The following OSBPL8 variants were observed in gnomAD, a reference collection of about 807,000 sequenced individuals.
OSBPL8 encodes oxysterol binding protein like 8, also known as oxysterol-binding protein-related protein 8.
In OSBPL8, 59 loss-of-function variants were observed where a neutral mutation model predicts 125.5. The observed-to-expected ratio is 0.47, with a 90% CI of 0.38 to 0.58. OSBPL8 has a LOEUF of 0.58. Ranked by LOEUF, OSBPL8 falls within the 20% of genes least tolerant of loss-of-function variation. The pLI, the probability that OSBPL8 is intolerant of heterozygous loss-of-function variation, is 0.00. For synonymous variants in OSBPL8, 330 were observed against 338.9 expected (o/e 0.97, Z 0.29); for missense variants, 758 against 1,047.8 (o/e 0.72, Z 3.82).
At chr12:76,529,850 T>C (rs1414700918) in intron 1 of OSBPL8, among the ~76,000 whole-genome samples, 1 of 152,224 alleles carries the variant, frequency 6.6e-6, no homozygotes, top group African/African-American at 2.4e-5. Flanking sequence ...GACACATTAC[T>C]AGTTGCTTTA....
At chr12:76,379,294 C>T (rs542678894) in intron 15 of OSBPL8, among the ~76,000 whole-genome samples, 58 of 152,172 alleles carry the variant, frequency 3.8e-4, no homozygotes, top group African/African-American at 1.3e-3. Context: ...ATATAAAGCA[C>T]CAAAATGCAG....
At chr12:76,514,583 A>T (rs547194226) in intron 1 of OSBPL8, among the ~76,000 whole-genome samples, 60 of 151,818 alleles carry the variant, frequency 4.0e-4, no homozygotes, top group African/African-American at 1.5e-3. Context: ...TACCTTTAAC[A>T]TTTTTTCTTT....
chr12:76,483,038 G>A (rs1295819076), intron 2 of OSBPL8, among the ~76,000 whole-genome samples: 1 of 152,112 alleles, frequency 6.6e-6, no homozygotes, highest in Non-Finnish European at 1.5e-5. Context: ...GAGGCAGGCG[G>A]ATCATGAGGT....
intron 2 of OSBPL8, among the ~76,000 whole-genome samples, chr12:76,465,235 A>C (rs1592729988): frequency 6.6e-6 from 1 of 152,116 alleles, no homozygotes; most frequent in African/African-American, 2.4e-5. Context: ...CCTCCTAGGA[A>C]TATTAATAAG....
rs184328506 is a variant in OSBPL8 at position 76,520,926 on chromosome 12, A to G, written c.-67-33308T>C. ...CAATAGTTGCTTCCCATGATGCTCT[A>G]AAGTACTGTGGAAGAGAAGCAATTT... On this transcript the variant is annotated intron_variant, in intron 1 of 23. Coordinates refer to ENST00000261183, the MANE Select transcript of OSBPL8 (RefSeq NM_020841.5). 2.0e-3 allele frequency among the ~76,000 whole-genome samples: 304 copies of G among 152,354 alleles called. 2 individuals are homozygous for G. The highest frequency in any genetic ancestry group is 6.9e-3 in the African/African-American group (289 of 41,588).
At position 76,440,177 on chromosome 12, in the gene OSBPL8, T is replaced by C. The variant is rs111646363; in HGVS notation, c.217+10674A>G. 5.9e-3 allele frequency among the ~76,000 whole-genome samples: 896 copies of C among 152,282 alleles called. 4 individuals carry two copies. Among genetic ancestry groups the C allele is most frequent in the African/African-American group, 0.019 (798 of 41,564 alleles). Reference sequence around the variant, plus strand: ...TCCTCAGCTTTATCTCTTTTAAAAATGACTCTCACCCATTAAATTTCATTC... The same window carrying C: ...TCCTCAGCTTTATCTCTTTTAAAAACGACTCTCACCCATTAAATTTCATTC... On this transcript the variant is annotated intron_variant, in intron 4 of 23. Transcript: ENST00000261183.
At chr12:76,515,141 T>C (rs1446087543) in intron 1 of OSBPL8, among the ~76,000 whole-genome samples, 1 of 152,248 alleles carries the variant, frequency 6.6e-6, no homozygotes, top group East Asian at 1.9e-4. Flanking sequence ...TGAATTCTAC[T>C]TCTGTCATTT....
intron 4 of OSBPL8, among the ~76,000 whole-genome samples, chr12:76,433,541 G>A (rs1366197865): frequency 1.3e-5 from 2 of 151,868 alleles, no homozygotes; most frequent in Non-Finnish European, 2.9e-5. Context: ...TGAAGGAAAT[G>A]AAAGAAGACA....
chr12:76,551,571 G>C (rs549323613), intron 1 of OSBPL8, among the ~76,000 whole-genome samples: 35 of 152,228 alleles, frequency 2.3e-4, no homozygotes, highest in African/African-American at 8.4e-4. Flanking sequence ...ATGGTGACTG[G>C]GCGTAAGATA....
intron 1 of OSBPL8, among the ~76,000 whole-genome samples, chr12:76,544,046 G>C (rs1950716185): frequency 2.0e-5 from 3 of 152,098 alleles, no homozygotes; most frequent in African/African-American, 4.8e-5. Flanking sequence ...AAACAGAACA[G>C]GTGTAACACT....
At chr12:76,406,166 T>C (rs765643375) in intron 5 of OSBPL8, among the ~76,000 whole-genome samples, 4 of 152,200 alleles carry the variant, frequency 2.6e-5, no homozygotes, top group East Asian at 3.9e-4. Context: ...ATCTGACCTT[T>C]AGAGATTTAA....
intron 4 of OSBPL8, among the ~76,000 whole-genome samples, chr12:76,418,243 G>T (rs1868985138): frequency 6.6e-6 from 1 of 151,996 alleles, no homozygotes. Flanking sequence ...GACTTCAGGT[G>T]ATCTGCCCAC....
At chr12:76,465,153 TA>T (rs1875251655) in intron 2 of OSBPL8, among the ~76,000 whole-genome samples, 1 of 152,182 alleles carries the variant, frequency 6.6e-6, no homozygotes, top group Admixed American at 6.5e-5. Context: ...CACTGTTGGA[TA>T]AAGAATATTA....
intron 1 of OSBPL8, among the ~76,000 whole-genome samples, chr12:76,558,754 G>C (rs950137976): frequency 1.4e-4 from 21 of 152,222 alleles, no homozygotes; most frequent in African/African-American, 5.1e-4. Context: ...AGCCAGTCTT[G>C]AGTGGGTGGT....
intron 22 of OSBPL8, among the ~76,000 whole-genome samples, chr12:76,358,266 A>G (rs762899511): frequency 1.7e-4 from 22 of 131,474 alleles, no homozygotes; most frequent in Non-Finnish European, 2.5e-4. Context: ...TGCATCTTCC[A>G]TCTCCGGGGT....
chr12:76,390,004 G>A, intron 11 of OSBPL8, 175 bp from the exon 12 acceptor site: 1 of 472,238 alleles, frequency 2.1e-6, no homozygotes, highest in Non-Finnish European at 3.5e-6. Flanking sequence ...GTAAAAAAGG[G>A]TAGCTGAAAA....
At chr12:76,397,170 G>A (rs1214536782) in intron 8 of OSBPL8, among the ~76,000 whole-genome samples, 2 of 146,268 alleles carry the variant, frequency 1.4e-5, no homozygotes, top group African/African-American at 2.6e-5. Context: ...AAAGAAACCT[G>A]CCTCTTTCTC....
intron 4 of OSBPL8, among the ~76,000 whole-genome samples, chr12:76,412,516 T>TA (rs1454702357): frequency 6.6e-6 from 1 of 152,180 alleles, no homozygotes; most frequent in Non-Finnish European, 1.5e-5. Flanking sequence ...CCACCTAGTC[T>TA]ATATCCCTTT....
At chr12:76,455,184 A>C (rs1873884843) in intron 3 of OSBPL8, among the ~76,000 whole-genome samples, 1 of 152,018 alleles carries the variant, frequency 6.6e-6, no homozygotes, top group Non-Finnish European at 1.5e-5. Flanking sequence ...CGGAGCTTGC[A>C]GTGAGCCGAG....
Sources: gnomAD v4.1 joint callset for allele counts (sites outside exome capture counted in the v4.1 genomes callset) on GRCh38, gnomAD v4.1.1 for gene constraint, MANE v1.5 for transcripts, NCBI Gene and HGNC (gene_info 2026-07-23, HGNC 2026-07-21) for gene names.